The following TP53TG3D variants were observed in gnomAD, a reference collection of about 807,000 sequenced individuals.
The protein encoded by TP53TG3D is TP53-target gene 3 protein.
For synonymous variants in TP53TG3D, 2 were observed against 56.9 expected (o/e 0.04, Z 4.34); for missense variants, 4 against 139.9 (o/e 0.03, Z 4.90).
rs544175981 is a variant in TP53TG3D, at chr16:32,254,954, G to A, written c.*51G>A. ...AACTGATAGACACTGCCTCAGCTCCGTGCAGGGCAGACGCACAAGAGCAGA... is the reference window on the plus strand; with the variant it reads ...AACTGATAGACACTGCCTCAGCTCCATGCAGGGCAGACGCACAAGAGCAGA... On this transcript the variant is annotated 3_prime_UTR_variant, in exon 2 of 2. Coordinates refer to ENST00000398664, the Ensembl canonical transcript of TP53TG3D. The A allele has an allele frequency of 3.1e-5, 44 of 1,440,886 alleles. 1 individual carries two copies. In the East Asian group the frequency reaches 6.7e-4, roughly 22 times the overall value. 89.3% of individuals were successfully genotyped at this position (1,440,886 alleles called of 1,614,324 possible). A position where few individuals can be genotyped will look rare whatever the true frequency, so the allele number is the denominator to read the frequency against.
chr16:32,255,383 C>A (rs1405899650), exon 2 of TP53TG3D: 1 of 235,250 alleles, frequency 4.3e-6, no homozygotes, highest in African/African-American at 2.6e-5. Flanking sequence ...CCATCTAATT[C>A]TTCTGTCTCT....
intron 1 of TP53TG3D, 194 bp from the exon 2 acceptor site, chr16:32,254,697 G>A: frequency 1.4e-6 from 2 of 1,455,880 alleles, no homozygotes; most frequent in Non-Finnish European, 1.8e-6. Flanking sequence ...AGCAGGACCA[G>A]AGCGCCCCTT....
At chr16:32,254,695 C>A in intron 1 of TP53TG3D, 196 bp from the exon 2 acceptor site, 1 of 1,455,750 alleles carries the variant, frequency 6.9e-7, no homozygotes. Context: ...TCAGCAGGAC[C>A]AGAGCGCCCC....
chr16:32,255,196 C>T, exon 2 of TP53TG3D: 1 of 540,758 alleles, frequency 1.8e-6, no homozygotes, highest in South Asian at 2.1e-5. Flanking sequence ...AATGATAAAT[C>T]ATATCAAGTC....
exon 2 of TP53TG3D, chr16:32,255,560 T>TTC (rs1478880526): frequency 1.2e-4 from 7 of 56,520 alleles, no homozygotes; most frequent in Admixed American, 2.0e-4. Flanking sequence ...TTCTTTAAAC[T>TTC]TTTTTTTTTC....
At chr16:32,254,792 A>G in intron 1 of TP53TG3D, 99 bp from the exon 2 acceptor site, 1 of 1,607,692 alleles carries the variant, frequency 6.2e-7, no homozygotes, top group Non-Finnish European at 8.5e-7. Context: ...GCTCCCTTGG[A>G]AAATAATATC....
chr16:32,254,773 C>G (rs553478701), intron 1 of TP53TG3D, 118 bp from the exon 2 acceptor site: 4 of 1,590,418 alleles, frequency 2.5e-6, no homozygotes, highest in African/African-American at 1.4e-5. Context: ...CGCTTCTACC[C>G]TGAATAGGGC....
chr16:32,254,788 T>C, intron 1 of TP53TG3D, 103 bp from the exon 2 acceptor site: 8 of 1,606,380 alleles, frequency 5.0e-6, no homozygotes, highest in Non-Finnish European at 6.8e-6. Flanking sequence ...TAGGGCTCCC[T>C]TGGAAAATAA....
At chr16:32,254,755 A>G in intron 1 of TP53TG3D, 136 bp from the exon 2 acceptor site, 3 of 1,552,860 alleles carry the variant, frequency 1.9e-6, no homozygotes, top group Non-Finnish European at 2.6e-6. Context: ...GGTCAGGGAT[A>G]GTGTCTGCGC....
chr16:32,254,786 C>A, intron 1 of TP53TG3D, 105 bp from the exon 2 acceptor site: 2 of 1,605,210 alleles, frequency 1.2e-6, no homozygotes, highest in Non-Finnish European at 1.7e-6. Context: ...AATAGGGCTC[C>A]CTTGGAAAAT....
At chr16:32,254,702 C>T (rs1962180524) in intron 1 of TP53TG3D, 189 bp from the exon 2 acceptor site, 1 of 1,459,150 alleles carries the variant, frequency 6.9e-7, no homozygotes, top group African/African-American at 1.5e-5. Flanking sequence ...GACCAGAGCG[C>T]CCCTTGGTCC....
At chr16:32,255,116 T>C in exon 2 of TP53TG3D, 2 of 914,780 alleles carry the variant, frequency 2.2e-6, no homozygotes, top group Admixed American at 2.5e-5. Context: ...AACTGTCGTT[T>C]GTCCTTAACG....
Position 32,255,020 on chromosome 16 carries a change from A to C in TP53TG3D, c.*117A>C, listed in dbSNP as rs529547841. ...CTCTCTGGAGCATCAATATTACTGC[A>C]GTATTTGGAAGAAACAAATTTAAAT... On this transcript the variant is annotated 3_prime_UTR_variant, in exon 2 of 2. Coordinates refer to ENST00000398664, the Ensembl canonical transcript of TP53TG3D. The C allele has an allele frequency of 2.1e-6, 3 of 1,408,596 alleles. No homozygotes were observed. In the Admixed American group the frequency reaches 5.7e-5, roughly 27 times the overall value. 87.3% of individuals were successfully genotyped at this position (1,408,596 alleles called of 1,614,324 possible). A position where few individuals can be genotyped will look rare whatever the true frequency, so the allele number is the denominator to read the frequency against.
exon 2 of TP53TG3D, chr16:32,255,082 T>C (rs1962192960): frequency 1.5e-6 from 2 of 1,351,960 alleles, no homozygotes; most frequent in Admixed American, 4.0e-5. Context: ...TTAAGACAAG[T>C]CTGGAAAGTC....
rs1165035425 is a variant in TP53TG3D, at chr16:32,254,764, G to A, written c.363-127G>A. 3.9e-5 allele frequency: 62 copies of A among 1,571,424 alleles called. 3 individuals carry two copies. In the South Asian group the frequency reaches 5.3e-4, roughly 14 times the overall value. On this transcript the variant is annotated intron_variant, in intron 1 of 1. Coordinates refer to ENST00000398664, the Ensembl canonical transcript of TP53TG3D. ...TGGTGAGGTCAGGGATAGTGTCTGC[G>A]CTTCTACCCTGAATAGGGCTCCCTT...
exon 2 of TP53TG3D, chr16:32,255,430 A>G (rs1962205422): frequency 6.9e-6 from 1 of 145,076 alleles, no homozygotes; most frequent in African/African-American, 2.9e-5. Flanking sequence ...ATGGGTCTCT[A>G]AGGCTGTGTT....
chr16:32,255,130 G>C lies in TP53TG3D; in HGVS notation c.*227G>C, dbSNP rs533474050. 7.4e-5 allele frequency: 61 copies of C among 829,104 alleles called. 3 individuals are homozygous for C. In the South Asian group the frequency reaches 1.0e-3, roughly 14 times the overall value. The allele number at this position is 829,104 out of a possible 1,614,324, so 51.4% of individuals were successfully genotyped here. ...TAACTGTCGTTTGTCCTTAACGTCAGACTTTCTCCAAGACAAAAACTCTAA... is the reference window on the plus strand; with the variant it reads ...TAACTGTCGTTTGTCCTTAACGTCACACTTTCTCCAAGACAAAAACTCTAA... On this transcript the variant is annotated 3_prime_UTR_variant, in exon 2 of 2. Transcript: ENST00000398664.
chr16:32,254,980 A>G (rs562260158), exon 2 of TP53TG3D: 1 of 1,112,698 alleles, frequency 9.0e-7, no homozygotes, highest in African/African-American at 1.6e-5. Flanking sequence ...CAAGAGCAGA[A>G]TCTCCGTGGG....
At chr16:32,254,722 C>G in intron 1 of TP53TG3D, 169 bp from the exon 2 acceptor site, 1 of 1,470,938 alleles carries the variant, frequency 6.8e-7, no homozygotes, top group South Asian at 1.5e-5. Flanking sequence ...CCTCCCAACA[C>G]ATGAGGGTAG....
Sources: gnomAD v4.1 joint callset for allele counts on GRCh38, gnomAD v4.1.1 for gene constraint, MANE v1.5 for transcripts, NCBI Gene and HGNC (gene_info 2026-07-23, HGNC 2026-07-21) for gene names.